PDGFC: variants seen among roughly 807,000 people sequenced by gnomAD.
PDGFC encodes platelet-derived growth factor C.
Under a neutral mutation model 35.5 loss-of-function variants are expected in PDGFC, and 12 were observed. The ratio of observed to expected loss-of-function variants is 0.34; its 90% CI spans 0.22 to 0.55. The LOEUF is 0.55. Ranked by LOEUF, PDGFC falls within the 20% of genes least tolerant of loss-of-function variation. The probability of loss-of-function intolerance (pLI) is 0.91; values close to 1 mark genes in which losing one functional copy is unlikely to be tolerated. For synonymous variants in PDGFC, 159 were observed against 148.8 expected (o/e 1.07, Z -0.50); for missense variants, 322 against 412.4 (o/e 0.78, Z 1.90).
intron 3 of PDGFC, among the ~76,000 whole-genome samples, chr4:156,785,229 C>CT (rs1731090605): frequency 1.3e-5 from 2 of 152,134 alleles, no homozygotes; most frequent in Admixed American, 1.3e-4. Context: ...GAGTCTCACT[C>CT]TGTCATTCAG....
chr4:156,807,654 G>A (rs1366172029), intron 3 of PDGFC, among the ~76,000 whole-genome samples: 1 of 151,920 alleles, frequency 6.6e-6, no homozygotes, highest in Non-Finnish European at 1.5e-5. Context: ...TTAAAACTCT[G>A]CCTCTAAGAC....
intron 1 of PDGFC, among the ~76,000 whole-genome samples, chr4:156,896,889 A>G (rs1384699913): frequency 1.3e-5 from 2 of 152,168 alleles, no homozygotes; most frequent in Non-Finnish European, 2.9e-5. Flanking sequence ...TTTGTTTTAG[A>G]AGCAAGTATT....
chr4:156,906,318 T>A (rs1251772081), intron 1 of PDGFC, among the ~76,000 whole-genome samples: 1 of 152,172 alleles, frequency 6.6e-6, no homozygotes. Context: ...CATTGTTAAA[T>A]ATAGTAAATT....
At chr4:156,903,977 GAA>G (rs1730854869) in intron 1 of PDGFC, among the ~76,000 whole-genome samples, 1 of 152,054 alleles carries the variant, frequency 6.6e-6, no homozygotes, top group Non-Finnish European at 1.5e-5. Context: ...GCCTGCCTTT[GAA>G]TGCTTGTTAG....
chr4:156,928,742 T>A (rs1731477935), intron 1 of PDGFC, among the ~76,000 whole-genome samples: 1 of 152,256 alleles, frequency 6.6e-6, no homozygotes, highest in Non-Finnish European at 1.5e-5. Flanking sequence ...TGTTAAAGAC[T>A]GTTTAGTATA....
At chr4:156,841,827 C>A (rs537004174) in intron 2 of PDGFC, among the ~76,000 whole-genome samples, 1 of 152,140 alleles carries the variant, frequency 6.6e-6, no homozygotes, top group South Asian at 2.1e-4. Context: ...ACTATAGCAC[C>A]ATGAGAATGG....
At position 156,787,297 on chromosome 4, in the gene PDGFC, G is replaced by A. The variant is rs574941972; in HGVS notation, c.496-14404C>T. 6.6e-5 allele frequency among the ~76,000 whole-genome samples: 10 copies of A among 152,210 alleles called. No individual in the cohort carries two copies. In the South Asian group the frequency reaches 2.1e-3, roughly 32 times the overall value. On this transcript the variant is annotated intron_variant, in intron 3 of 5. Transcript: ENST00000502773. Reference sequence around the variant, plus strand: ...CTGATCTGGATACCAGTGTCAAAGTGTTCAGTGAAAAGAAGTGAATAATCA... The same window carrying A: ...CTGATCTGGATACCAGTGTCAAAGTATTCAGTGAAAAGAAGTGAATAATCA...
Position 156,942,792 on chromosome 4 carries a change from G to A in PDGFC, c.118+27994C>T, listed in dbSNP as rs1008349490. Among the ~76,000 whole-genome samples the A allele has an allele frequency of 1.5e-4, 22 of 149,360 alleles. No homozygotes were observed. The East Asian group carries it at 3.3e-3, about 23-fold the overall frequency. On this transcript the variant is annotated intron_variant, in intron 1 of 5. Transcript: ENST00000502773. ...TTACAATATATAATTATGTATAATT[G>A]CAATATTGTGATTAGAGAGCAATCA...
intron 1 of PDGFC, among the ~76,000 whole-genome samples, chr4:156,868,038 C>A (rs187866473): frequency 4.8e-4 from 73 of 152,236 alleles, no homozygotes; most frequent in African/African-American, 1.5e-3. Context: ...CCACCACACC[C>A]AGCTGGCCTC....
chr4:156,890,964 T>A (rs913998648), intron 1 of PDGFC, among the ~76,000 whole-genome samples: 1 of 152,096 alleles, frequency 6.6e-6, no homozygotes, highest in African/African-American at 2.4e-5. Flanking sequence ...GGATGGGATA[T>A]GTTATAGTAA....
At chr4:156,809,414 G>A (rs1452263733) in intron 3 of PDGFC, among the ~76,000 whole-genome samples, 1 of 151,812 alleles carries the variant, frequency 6.6e-6, no homozygotes, top group Non-Finnish European at 1.5e-5. Context: ...TCAACCTTTG[G>A]GTTCTTACTT....
chr4:156,851,562 C>T (rs548504062), intron 1 of PDGFC, among the ~76,000 whole-genome samples: 2 of 151,954 alleles, frequency 1.3e-5, no homozygotes, highest in Non-Finnish European at 2.9e-5. Flanking sequence ...TGAGACGAAA[C>T]CCACAATTGA....
chr4:156,898,151 G>A (rs553555901), intron 1 of PDGFC, among the ~76,000 whole-genome samples: 1 of 152,090 alleles, frequency 6.6e-6, no homozygotes, highest in South Asian at 2.1e-4. Context: ...CTGAATAAAA[G>A]AAACCCAGAG....
chr4:156,917,841 C>A (rs1436588703), intron 1 of PDGFC, among the ~76,000 whole-genome samples: 4 of 152,156 alleles, frequency 2.6e-5, no homozygotes, highest in Non-Finnish European at 4.4e-5. Flanking sequence ...AAATAATAAT[C>A]TTTTATTTTC....
intron 1 of PDGFC, among the ~76,000 whole-genome samples, chr4:156,880,349 T>C (rs1730212390): frequency 6.6e-6 from 1 of 152,126 alleles, no homozygotes; most frequent in East Asian, 1.9e-4. Context: ...AATCTCTGCT[T>C]GTGTTCTAGA....
At chr4:156,968,803 C>T (rs1209166728) in intron 1 of PDGFC, among the ~76,000 whole-genome samples, 1 of 152,098 alleles carries the variant, frequency 6.6e-6, no homozygotes, top group African/African-American at 2.4e-5. Flanking sequence ...AATCCTCTAC[C>T]CACAGATTAG....
At chr4:156,909,822 A>G (rs1376770817) in intron 1 of PDGFC, among the ~76,000 whole-genome samples, 1 of 152,166 alleles carries the variant, frequency 6.6e-6, no homozygotes, top group African/African-American at 2.4e-5. Context: ...ATGTCTTTTC[A>G]GATTCTTAAG....
At chr4:156,900,093 A>C (rs1730730861) in intron 1 of PDGFC, among the ~76,000 whole-genome samples, 1 of 152,220 alleles carries the variant, frequency 6.6e-6, no homozygotes. Context: ...TGTGAAACTT[A>C]AAGTCTCATC....
At chr4:156,896,223 C>T (rs1016108883) in intron 1 of PDGFC, among the ~76,000 whole-genome samples, 3 of 151,898 alleles carry the variant, frequency 2.0e-5, no homozygotes, top group African/African-American at 7.3e-5. Context: ...ATTATAATGC[C>T]TAAGGTTAGA....
Sources: allele counts gnomAD v4.1 joint callset (sites outside exome capture counted in the v4.1 genomes callset), GRCh38; gene constraint gnomAD v4.1.1; transcripts MANE v1.5; gene names NCBI Gene and HGNC (gene_info 2026-07-23, HGNC 2026-07-21).